The following LRRC2 variants were observed in gnomAD, a reference collection of about 807,000 sequenced individuals.
LRRC2 encodes the protein leucine rich repeat containing 2.
Under a neutral mutation model 40.2 loss-of-function variants are expected in LRRC2, and 27 were observed. That is an observed-to-expected ratio of 0.67 (90% CI 0.49 to 0.93). The LOEUF is 0.93. Ranked by LOEUF, LRRC2 falls within the 40% of genes least tolerant of loss-of-function variation. LRRC2 has a pLI of 0.00. For missense variants in LRRC2, 402 were observed against 439.6 expected (o/e 0.91, Z 0.76); for synonymous variants, 147 against 158.9 (o/e 0.92, Z 0.56).
intron 4 of LRRC2, among the ~76,000 whole-genome samples, chr3:46,538,807 G>C (rs1231987487): frequency 6.6e-6 from 1 of 152,212 alleles, no homozygotes; most frequent in Non-Finnish European, 1.5e-5. Flanking sequence ...TGAAACTTCT[G>C]GTTTCTGAGC....
chr3:46,525,441 G>A (rs1418650370), intron 7 of LRRC2, among the ~76,000 whole-genome samples: 1 of 151,802 alleles, frequency 6.6e-6, no homozygotes, highest in Non-Finnish European at 1.5e-5. Context: ...TGTAGAGACA[G>A]TATCTCGCTA....
chr3:46,543,697 A>G (rs1322312962), intron 3 of LRRC2, among the ~76,000 whole-genome samples: 6 of 151,992 alleles, frequency 3.9e-5, no homozygotes, highest in Non-Finnish European at 4.4e-5. Context: ...AGATTGTGAA[A>G]CATGAGGGCT....
At chr3:46,544,794 C>T (rs1216079380) in intron 3 of LRRC2, among the ~76,000 whole-genome samples, 3 of 152,122 alleles carry the variant, frequency 2.0e-5, no homozygotes, top group Non-Finnish European at 4.4e-5. Context: ...GGGTCTAGGG[C>T]GGGGAACAGG....
chr3:46,541,755 C>A (rs1704397213), intron 3 of LRRC2, among the ~76,000 whole-genome samples: 1 of 152,122 alleles, frequency 6.6e-6, no homozygotes, highest in Non-Finnish European at 1.5e-5. Context: ...AGGACCAGAA[C>A]CTTGACCCCC....
chr3:46,524,664 G>A (rs541164068), intron 7 of LRRC2, among the ~76,000 whole-genome samples: 3 of 152,150 alleles, frequency 2.0e-5, no homozygotes, highest in South Asian at 4.1e-4. Flanking sequence ...TTAATAGGCT[G>A]TTATAAAGGA....
intron 1 of LRRC2, 140 bp from the exon 2 acceptor site, chr3:46,551,750 G>GTTTTTT (rs1704658866): frequency 6.5e-6 from 1 of 153,044 alleles, no homozygotes; most frequent in South Asian, 2.1e-4. Flanking sequence ...ATGACAGTTT[G>GTTTTTT]CTTTTTTTTT....
chr3:46,543,339 A>C (rs1279259349), intron 3 of LRRC2, among the ~76,000 whole-genome samples: 1 of 152,144 alleles, frequency 6.6e-6, no homozygotes, highest in African/African-American at 2.4e-5. Context: ...TTTACAGGCC[A>C]GGTGCAGTGA....
At chr3:46,564,907 G>A (rs1400815897) in intron 1 of LRRC2, among the ~76,000 whole-genome samples, 1 of 152,178 alleles carries the variant, frequency 6.6e-6, no homozygotes, top group African/African-American at 2.4e-5. Flanking sequence ...AAGATACAAT[G>A]GGCAATAATA....
At chr3:46,530,474 G>T (rs1704139038) in intron 5 of LRRC2, among the ~76,000 whole-genome samples, 1 of 152,122 alleles carries the variant, frequency 6.6e-6, no homozygotes, top group Non-Finnish European at 1.5e-5. Flanking sequence ...CAACTACTTG[G>T]GAGGCTGAGG....
chr3:46,550,593 G>A (rs935917906), intron 2 of LRRC2, among the ~76,000 whole-genome samples: 11 of 152,016 alleles, frequency 7.2e-5, no homozygotes, highest in African/African-American at 1.9e-4. Flanking sequence ...GGGTTTCACC[G>A]TGTTAGCCAG....
chr3:46,522,760 AACAC>A (rs71098411), intron 7 of LRRC2, among the ~76,000 whole-genome samples: 2,097 of 143,372 alleles, frequency 0.015, 29 homozygotes, highest in East Asian at 0.037. Flanking sequence ...AACTACTGCT[AACAC>A]ACACACACAC....
chr3:46,530,128 T>G, intron 5 of LRRC2, 78 bp from the exon 6 acceptor site: 1 of 1,190,194 alleles, frequency 8.4e-7, no homozygotes, highest in South Asian at 1.3e-5. Flanking sequence ...TTAAGATGGA[T>G]ATTTCTTCCC....
chr3:46,525,559 T>C (rs956682790), intron 7 of LRRC2, among the ~76,000 whole-genome samples: 4 of 152,138 alleles, frequency 2.6e-5, no homozygotes, highest in Admixed American at 1.3e-4. Flanking sequence ...CACACTATAA[T>C]CCTTGATAAG....
At chr3:46,559,661 T>C (rs998322134) in intron 1 of LRRC2, 1 of 152,264 alleles carries the variant, frequency 6.6e-6, no homozygotes, top group African/African-American at 2.4e-5. Flanking sequence ...TTAATGTCTT[T>C]GTGTTCTAAA....
rs1017015995 is a variant in LRRC2, at chr3:46,515,829, A to G, written c.*3185T>C. On this transcript the variant is annotated 3_prime_UTR_variant, in exon 9 of 9. Transcript: ENST00000395905. ...CCTTAGCATGACATAAAATTCCAAAATCATTCAAGTAGTAGAGCTAATAAA... is the reference window on the plus strand; with the variant it reads ...CCTTAGCATGACATAAAATTCCAAAGTCATTCAAGTAGTAGAGCTAATAAA... The G allele has an allele frequency of 6.6e-6, 1 of 152,190 alleles. No homozygotes were observed. The highest frequency in any genetic ancestry group is 2.1e-4 in the South Asian group (1 of 4,834). The allele number at this position is 152,190 out of a possible 1,614,324, so 9.4% of individuals were successfully genotyped here.
intron 3 of LRRC2, 133 bp from the exon 4 acceptor site, chr3:46,539,334 C>G (rs1704336587): frequency 1.3e-6 from 1 of 792,004 alleles, no homozygotes. Flanking sequence ...CACCAGCACT[C>G]CAGCCATTTC....
At chr3:46,525,253 C>T (rs1193609343) in intron 7 of LRRC2, among the ~76,000 whole-genome samples, 4 of 103,458 alleles carry the variant, frequency 3.9e-5, no homozygotes, top group Non-Finnish European at 8.9e-5. Flanking sequence ...CATGCCAGGC[C>T]TTTTTTTCTT....
chr3:46,530,718 C>T (rs1559410770), intron 5 of LRRC2, among the ~76,000 whole-genome samples: 1 of 152,158 alleles, frequency 6.6e-6, no homozygotes, highest in Non-Finnish European at 1.5e-5. Context: ...GAGGAACTCC[C>T]ATTTATAAAA....
chr3:46,533,626 G>A (rs970089471), intron 4 of LRRC2, among the ~76,000 whole-genome samples: 1 of 152,068 alleles, frequency 6.6e-6, no homozygotes. Context: ...TTATAATAAA[G>A]TGTTGAATGT....
Sources: allele counts gnomAD v4.1 joint callset (sites outside exome capture counted in the v4.1 genomes callset), GRCh38; gene constraint gnomAD v4.1.1; transcripts MANE v1.5; gene names NCBI Gene and HGNC (gene_info 2026-07-23, HGNC 2026-07-21).